The following NDEL1 variants were observed in gnomAD, a reference collection of about 807,000 sequenced individuals.
NDEL1 encodes nudE neurodevelopment protein 1 like 1, also known as nuclear distribution protein nudE-like 1.
NDEL1 carries 9 observed loss-of-function variants against 45.7 expected under a neutral mutation model. The observed-to-expected ratio is 0.20, with a 90% CI of 0.12 to 0.34. The LOEUF (loss-of-function observed/expected upper bound fraction) is 0.34, where lower values mean the gene tolerates loss of function less well. Ranked by LOEUF, NDEL1 falls within the 10% of genes least tolerant of loss-of-function variation. The pLI, the probability that NDEL1 is intolerant of heterozygous loss-of-function variation, is 1.00. For synonymous variants in NDEL1, 133 were observed against 158.6 expected, an observed-to-expected ratio of 0.84 and a Z score of 1.21; for missense variants, 306 against 406.2, an observed-to-expected ratio of 0.75 and a Z score of 2.12.
rs1291079021 is a variant in NDEL1 at position 8,465,022 on chromosome 17, G to C, written c.945-1908G>C. 1 of 152,302 alleles carries C rather than the reference G, an allele frequency of 6.6e-6. No homozygotes were observed. The highest frequency in any genetic ancestry group is 1.5e-5 in the Non-Finnish European group (1 of 68,122). The allele number at this position is 152,302 out of a possible 1,614,324, so 9.4% of individuals were successfully genotyped here. A position where few individuals can be genotyped will look rare whatever the true frequency, so the allele number is the denominator to read the frequency against. Reference sequence around the variant, plus strand: ...TGGCATCCAATGGTGCTCCCTTTCTGCTGGGTTCCGGGCACTGTCTGCAGT... The same window carrying C: ...TGGCATCCAATGGTGCTCCCTTTCTCCTGGGTTCCGGGCACTGTCTGCAGT... On this transcript the variant is annotated intron_variant, in intron 8 of 8. Transcript: ENST00000334527. This position sits in a 1 kb window ranked among gnomAD's most constrained non-coding sequence, Gnocchi z 4.9.
At chr17:8,434,547 C>T (rs1197485670), upstream of NDEL1, among the ~76,000 whole-genome samples, 1 of 151,936 alleles carries the variant, frequency 6.6e-6, no homozygotes, top group Non-Finnish European at 1.5e-5. Context: ...ACCCCATCTC[C>T]TAAAGGAAAG....
At chr17:8,439,026 C>T (rs1373234656) in intron 1 of NDEL1, among the ~76,000 whole-genome samples, 2 of 150,622 alleles carry the variant, frequency 1.3e-5, no homozygotes, top group Non-Finnish European at 3.0e-5. Context: ...ACTGCAAGTT[C>T]TGCCTCCCGG....
chr17:8,415,624 C>T (rs764665778), intron 1 of NDEL1, among the ~76,000 whole-genome samples: 1 of 151,922 alleles, frequency 6.6e-6, no homozygotes, highest in Non-Finnish European at 1.5e-5. Context: ...TTTGTAGAGA[C>T]AGGGCTTCAC....
intron 6 of NDEL1, among the ~76,000 whole-genome samples, chr17:8,453,353 TA>T (rs1031781148): frequency 6.3e-4 from 96 of 152,268 alleles, no homozygotes; most frequent in African/African-American, 2.2e-3. Context: ...AAAACAAACA[TA>T]AAAAATAATA....
intron 3 of NDEL1, among the ~76,000 whole-genome samples, chr17:8,473,487 A>G (rs1441871845): frequency 3.3e-5 from 5 of 152,188 alleles, no homozygotes; most frequent in South Asian, 2.1e-4. Flanking sequence ...TGCCCAGCCC[A>G]GAGTTCTTAC....
chr17:8,445,248 TA>T (rs1011804550), intron 2 of NDEL1, among the ~76,000 whole-genome samples: 3 of 152,098 alleles, frequency 2.0e-5, no homozygotes, highest in East Asian at 1.9e-4. Flanking sequence ...ATGCATTAAA[TA>T]AAAAAAGATA....
At chr17:8,422,044 A>G (rs1908718792) in intron 1 of NDEL1, among the ~76,000 whole-genome samples, 1 of 152,224 alleles carries the variant, frequency 6.6e-6, no homozygotes, top group Non-Finnish European at 1.5e-5. Context: ...GCCAAGGTGA[A>G]TAACATGAGG....
At chr17:8,460,186 A>T (rs761661489) in intron 8 of NDEL1, 26 bp downstream of exon 8, 1 of 1,598,312 alleles carries the variant, frequency 6.3e-7, no homozygotes, top group Middle Eastern at 1.7e-4. Flanking sequence ...TTTAAGTGAT[A>T]ATTTTTTGAG....
intron 6 of NDEL1, among the ~76,000 whole-genome samples, chr17:8,453,797 T>A (rs1910666527): frequency 6.6e-6 from 1 of 152,226 alleles, no homozygotes; most frequent in Non-Finnish European, 1.5e-5. Context: ...GAGAAAAATT[T>A]GAAATGGGCT....
At chr17:8,417,431 C>A (rs914425590) in intron 1 of NDEL1, among the ~76,000 whole-genome samples, 74 of 152,296 alleles carry the variant, frequency 4.9e-4, no homozygotes, top group African/African-American at 1.7e-3. Flanking sequence ...TTCTTTTATG[C>A]TATTTTGTTC....
At chr17:8,469,750 C>CTGGAGTGCAGTGGCG (rs1436982899), downstream of NDEL1, among the ~76,000 whole-genome samples, 4 of 148,778 alleles carry the variant, frequency 2.7e-5, no homozygotes, top group Admixed American at 2.0e-4. Context: ...GTCGCCCAGG[C>CTGGAGTGCAGTGGCG]TGGAGTGCAG....
Position 8,438,429 on chromosome 17 carries a change from A to T in NDEL1, c.-13+2384A>T, listed in dbSNP as rs1190992724. 5.3e-5 allele frequency among the ~76,000 whole-genome samples: 8 copies of T among 152,344 alleles called. No individual in the cohort carries two copies. The South Asian group carries it at 1.4e-3, about 28-fold the overall frequency. ...ATCCTCCCAGTGTAACTTGAAGCAA[A>T]CTGAACAGACTGTATAACAGCCCCT... On this transcript the variant is annotated intron_variant, in intron 1 of 8. Transcript: ENST00000334527.
rs1483377261 is a variant in NDEL1 at position 8,446,774 on chromosome 17, T to A, written c.261T>A (p.Tyr87Ter). The change falls in exon 4 of 9, where the codon TAT becomes TAA. Residue 87 changes from tyrosine to a stop codon, truncating the protein, a stop_gained. Transcript: ENST00000334527. LOFTEE classifies it high-confidence loss of function. ...EALKEKLEHQYAQSYKQVSVL... is the reference protein window; with the variant it reads ...EALKEKLEHQ ...CTCAGGAGAAGCTAGAGCATCAATA[T>A]GCACAGAGCTATAAGCAGGTCTCAG... 1 of 1,614,024 alleles carries A rather than the reference T, an allele frequency of 6.2e-7. No homozygotes were observed. The highest frequency in any genetic ancestry group is 1.3e-5 in the African/African-American group (1 of 74,924).
intron 1 of NDEL1, among the ~76,000 whole-genome samples, chr17:8,440,136 TAGAG>T (rs1410108303): frequency 1.3e-5 from 2 of 152,176 alleles, no homozygotes; most frequent in African/African-American, 4.8e-5. Context: ...ATAATACTGT[TAGAG>T]GGGCCAATAA....
At chr17:8,432,242 A>C (rs1909017326), upstream of NDEL1, 1 of 149,204 alleles carries the variant, frequency 6.7e-6, no homozygotes, top group South Asian at 2.1e-4. Context: ...TGGGGATTTT[A>C]AGCATGTTAA....
At chr17:8,448,516 T>A in intron 4 of NDEL1, 34 bp from the exon 5 acceptor site, 1 of 1,595,264 alleles carries the variant, frequency 6.3e-7, no homozygotes, top group East Asian at 2.2e-5. Flanking sequence ...ACATGTTATT[T>A]ATTTAATTCA....
intron 6 of NDEL1, 47 bp from the exon 7 acceptor site, chr17:8,454,749 G>A (rs374652442): frequency 9.6e-6 from 14 of 1,458,638 alleles, no homozygotes; most frequent in South Asian, 2.3e-5. Flanking sequence ...AAACCCAAAT[G>A]TAAAGGGAAC....
Position 8,460,175 on chromosome 17 carries a change from T to G in NDEL1, c.944+15T>G. On this transcript the variant is annotated intron_variant, in intron 8 of 8. Transcript: ENST00000334527. ...TTCGACAAAGGGTAAGTCCTGAATG[T>G]TTTAAGTGATAATTTTTTGAGTAGT... The G allele has an allele frequency of 6.2e-7, 1 of 1,600,146 alleles. No individual in the cohort carries two copies. Among genetic ancestry groups the G allele is most frequent in the Non-Finnish European group, 8.5e-7 (1 of 1,174,452 alleles).
intron 6 of NDEL1, among the ~76,000 whole-genome samples, chr17:8,452,311 T>G (rs12937278): frequency 0.51 from 77,474 of 152,088 alleles, 20,685 homozygotes; most frequent in Middle Eastern, 0.62. Flanking sequence ...GTGAAAAGCC[T>G]CAGGTGCGGT....
Sources: gnomAD v4.1 joint callset for allele counts (sites outside exome capture counted in the v4.1 genomes callset) on GRCh38, gnomAD v4.1.1 for gene constraint, Gnocchi (gnomAD v3.1) non-coding constraint, MANE v1.5 for transcripts, NCBI Gene and HGNC (gene_info 2026-07-23, HGNC 2026-07-21) for gene names.